Variants in ADCY8 observed in about 807,000 individuals in gnomAD.
ADCY8 encodes the protein adenylate cyclase type 8.
Under a neutral mutation model 119.7 loss-of-function variants are expected in ADCY8, and 51 were observed. That is an observed-to-expected ratio of 0.43 (90% CI 0.34 to 0.54). ADCY8 has a LOEUF of 0.54. Among genes scored for constraint, ADCY8 ranks in the 20% least tolerant of loss-of-function variants. The pLI is 0.03. For synonymous variants in ADCY8, 665 were observed against 651.0 expected (o/e 1.02, Z -0.33); for missense variants, 1,383 against 1,598.8 (o/e 0.87, Z 2.30).
chr8:130,840,120 AAACTT>A lies in ADCY8; in HGVS notation c.2503-3676_2503-3672del, dbSNP rs1352200738. ...TTGTATTAATCTATTAAGTAAGAAA[AAACTT>A]AAAGTATGAGGAAAAGGCAGTGAGT... On this transcript the variant is annotated intron_variant, in intron 11 of 17. Transcript: ENST00000286355. 2.1e-5 allele frequency among the ~76,000 whole-genome samples: 3 copies of A among 139,696 alleles called. 1 individual carries two copies. The highest frequency in any genetic ancestry group is 4.9e-5 in the African/African-American group (2 of 40,834). The allele number at this position is 139,696 out of a possible 152,430, so 91.6% of individuals were successfully genotyped here.
Position 131,039,999 on chromosome 8 carries a change from C to A in ADCY8, c.335G>T (p.Arg112Leu), listed in dbSNP as rs770975076. 1 of 1,566,202 alleles carries A rather than the reference C, an allele frequency of 6.4e-7. No individual in the cohort carries two copies. Among genetic ancestry groups the A allele is most frequent in the African/African-American group, 1.4e-5 (1 of 74,018 alleles). Residue 112 changes from arginine (R) to leucine (L), a missense_variant, in exon 1 of 18, where the codon CGC (arginine) becomes CTC (leucine). Arg to Leu is a moderately radical substitution (Grantham distance 102). Around this residue, in one of 2 missense-constraint regions of ADCY8, gnomAD observed 455 missense variants for 435.3 expected, o/e 1.05. Transcript: ENST00000286355. ...STCGTKVFPE[R>L]SGSGSASGSG... ...GCCGCTGGCACTGCCGCTCCCGCTG[C>A]GTTCCGGGAAGACTTTGGTGCCGCA...
At chr8:130,818,789 G>A (rs1366600056) in intron 13 of ADCY8, among the ~76,000 whole-genome samples, 2 of 152,132 alleles carry the variant, frequency 1.3e-5, no homozygotes, top group African/African-American at 2.4e-5. Context: ...GCAGAAAGCC[G>A]CCCCTATCAC....
At chr8:130,906,447 A>T (rs80135352) in intron 6 of ADCY8, among the ~76,000 whole-genome samples, 1,998 of 152,290 alleles carry the variant, frequency 0.013, 40 homozygotes, top group African/African-American at 0.044. Flanking sequence ...GGGGACAAAT[A>T]CTTCCATGTA....
At chr8:130,808,998 C>T (rs1311699278) in intron 14 of ADCY8, among the ~76,000 whole-genome samples, 1 of 152,152 alleles carries the variant, frequency 6.6e-6, no homozygotes, top group Non-Finnish European at 1.5e-5. Context: ...CTGGCTTTAT[C>T]TGCAAGAATG....
intron 1 of ADCY8, among the ~76,000 whole-genome samples, chr8:131,023,230 A>T (rs1223886803): frequency 6.6e-6 from 1 of 152,200 alleles, no homozygotes; most frequent in African/African-American, 2.4e-5. Flanking sequence ...CCCTGTGCCT[A>T]AGCTACTCTG....
intron 7 of ADCY8, among the ~76,000 whole-genome samples, chr8:130,891,822 G>T (rs1819198479): frequency 6.6e-6 from 1 of 152,124 alleles, no homozygotes; most frequent in Non-Finnish European, 1.5e-5. Flanking sequence ...TCTTATGGGA[G>T]TGGAGGTGCT....
chr8:131,039,767 G>A lies in ADCY8; in HGVS notation c.567C>T (p.Asp189=), dbSNP rs1331892574. 3 of 1,614,168 alleles carry A rather than the reference G, an allele frequency of 1.9e-6. No individual in the cohort carries two copies. Among genetic ancestry groups the A allele is most frequent in the South Asian group, 2.2e-5 (2 of 91,084 alleles). ...CCAAGAGAGTGAGTTTGGTCAGCAC[G>A]TCCAGCACGTTCATCACCACTTCCG... ...RKSEVVMNVL[D]VLTKLTLLVL... The change falls in exon 1 of 18, where the codon GAC becomes GAT. Residue 189 remains aspartate (D), a synonymous_variant. Coordinates refer to ENST00000286355, the MANE Select transcript of ADCY8 (RefSeq NM_001115.3).
At chr8:130,783,105 G>A (rs1483629363) in intron 17 of ADCY8, among the ~76,000 whole-genome samples, 1 of 133,942 alleles carries the variant, frequency 7.5e-6, no homozygotes, top group African/African-American at 3.0e-5. Context: ...AGGCTCAGTA[G>A]AGATGTGGAA....
chr8:131,007,872 A>G (rs1823172921), intron 1 of ADCY8, among the ~76,000 whole-genome samples: 1 of 150,394 alleles, frequency 6.6e-6, no homozygotes, highest in African/African-American at 2.5e-5. Flanking sequence ...TGCATAGAGG[A>G]ATGAGTGCTA....
chr8:130,993,831 C>T (rs539941855), intron 1 of ADCY8, among the ~76,000 whole-genome samples: 2 of 152,276 alleles, frequency 1.3e-5, no homozygotes, highest in South Asian at 4.1e-4. Context: ...CGGACTAATA[C>T]AAACATGCTA....
At chr8:131,035,018 C>A (rs1172969714) in intron 1 of ADCY8, among the ~76,000 whole-genome samples, 1 of 152,102 alleles carries the variant, frequency 6.6e-6, no homozygotes, top group African/African-American at 2.4e-5. Context: ...TGTGAAAGAA[C>A]CTAGCAAATA....
At chr8:130,818,694 G>A (rs1023592903) in intron 13 of ADCY8, among the ~76,000 whole-genome samples, 1 of 152,204 alleles carries the variant, frequency 6.6e-6, no homozygotes, top group African/African-American at 2.4e-5. Flanking sequence ...CAGGGAGCAA[G>A]CCCAGGAGTG....
chr8:130,968,270 C>T (rs150813542), intron 2 of ADCY8, among the ~76,000 whole-genome samples: 62 of 151,872 alleles, frequency 4.1e-4, no homozygotes, highest in Admixed American at 2.2e-3. Flanking sequence ...TCTGGGTTCA[C>T]GCCATTCTCC....
intron 9 of ADCY8, among the ~76,000 whole-genome samples, chr8:130,866,531 C>A (rs188166753): frequency 6.6e-6 from 1 of 152,150 alleles, no homozygotes; most frequent in African/African-American, 2.4e-5. Context: ...AATCACTATT[C>A]TATAAACACA....
chr8:130,900,816 A>G (rs1217324709), intron 7 of ADCY8, among the ~76,000 whole-genome samples: 2 of 152,196 alleles, frequency 1.3e-5, no homozygotes, highest in Non-Finnish European at 2.9e-5. Context: ...TCTCGTGACT[A>G]TGAATACCAA....
At chr8:130,907,079 T>C (rs945754611) in intron 6 of ADCY8, among the ~76,000 whole-genome samples, 1 of 152,070 alleles carries the variant, frequency 6.6e-6, no homozygotes, top group Non-Finnish European at 1.5e-5. Flanking sequence ...ACAATAAATA[T>C]TTACTGAGTA....
intron 5 of ADCY8, among the ~76,000 whole-genome samples, chr8:130,914,800 T>C (rs7825741): frequency 0.044 from 6,708 of 152,322 alleles, 454 homozygotes; most frequent in African/African-American, 0.15. Context: ...GACATCTGCA[T>C]CTTCTCTTTC....
intron 5 of ADCY8, among the ~76,000 whole-genome samples, chr8:130,919,273 AT>A (rs985104465): frequency 4.6e-5 from 7 of 151,872 alleles, no homozygotes; most frequent in African/African-American, 1.7e-4. Flanking sequence ...CTGGCCAAAG[AT>A]TTTTGTGTGC....
At position 130,863,291 on chromosome 8, in the gene ADCY8, G is replaced by GT. The variant is rs974204406; in HGVS notation, c.2210+4554dup. On this transcript the variant is annotated intron_variant, in intron 9 of 17. Coordinates refer to ENST00000286355, the MANE Select transcript of ADCY8 (RefSeq NM_001115.3). ...GTGTGAAATTGATATAGCTACTTAA[G>GT]TTTTTTTTTCATTAATGTTAGCATG... Among the ~76,000 whole-genome samples the GT allele has an allele frequency of 1.4e-3, 210 of 149,666 alleles. 2 individuals carry two copies. The highest frequency in any genetic ancestry group is 4.9e-3 in the African/African-American group (199 of 40,842).
Sources: gnomAD v4.1 joint callset for allele counts (sites outside exome capture counted in the v4.1 genomes callset) on GRCh38, gnomAD v4.1.1 for gene constraint, gnomAD v4.1.1 regional missense constraint, MANE v1.5 for transcripts, NCBI Gene and HGNC (gene_info 2026-07-23, HGNC 2026-07-21) for gene names.